NPAS3: variants seen among roughly 807,000 people sequenced by gnomAD.
NPAS3 encodes neuronal PAS domain-containing protein 3.
A neutral mutation model predicts 73.1 loss-of-function variants in NPAS3; 14 were observed. The ratio of observed to expected loss-of-function variants is 0.19; its 90% CI spans 0.13 to 0.30. The LOEUF (loss-of-function observed/expected upper bound fraction) is 0.30, where lower values mean the gene tolerates loss of function less well. NPAS3 is among the 10% of genes least tolerant of loss of function. The probability of loss-of-function intolerance (pLI) is 1.00; values close to 1 mark genes in which losing one functional copy is unlikely to be tolerated. For synonymous variants in NPAS3, 620 were observed against 541.5 expected, an observed-to-expected ratio of 1.14 and a Z score of -2.01; for missense variants, 1,096 against 1,250.0, an observed-to-expected ratio of 0.88 and a Z score of 1.86.
intron 4 of NPAS3, among the ~76,000 whole-genome samples, chr14:33,473,623 A>G (rs1026505527): frequency 1.3e-5 from 2 of 152,134 alleles, no homozygotes; most frequent in African/African-American, 2.4e-5. Context: ...AAACACATAC[A>G]TCGACAGTTT....
chr14:33,020,056 A>G, intron 1 of NPAS3, among the ~76,000 whole-genome samples: 1 of 152,212 alleles, frequency 6.6e-6, no homozygotes, highest in East Asian at 1.9e-4. Flanking sequence ...ATATACCTTG[A>G]CAGAAATGTC....
At chr14:33,522,254 TATTTC>T (rs1210098919) in intron 4 of NPAS3, among the ~76,000 whole-genome samples, 1 of 152,218 alleles carries the variant, frequency 6.6e-6, no homozygotes, top group Non-Finnish European at 1.5e-5. Flanking sequence ...TGAAATATCA[TATTTC>T]ATATGACCAG....
chr14:33,677,913 G>T (rs1369194126), intron 6 of NPAS3, among the ~76,000 whole-genome samples: 1 of 152,172 alleles, frequency 6.6e-6, no homozygotes, highest in Non-Finnish European at 1.5e-5. Context: ...TTAGTCAATA[G>T]AATGTTCATA....
At chr14:33,470,956 C>T (rs1429242921) in intron 4 of NPAS3, among the ~76,000 whole-genome samples, 1 of 147,336 alleles carries the variant, frequency 6.8e-6, no homozygotes, top group African/African-American at 2.6e-5. Context: ...AAAGAATGTT[C>T]TCTTTATGAA....
At chr14:33,050,511 A>G (rs1471894116) in intron 1 of NPAS3, among the ~76,000 whole-genome samples, 1 of 152,160 alleles carries the variant, frequency 6.6e-6, no homozygotes, top group African/African-American at 2.4e-5. Context: ...TCTTATCTGC[A>G]TACCTTCTAA....
intron 1 of NPAS3, among the ~76,000 whole-genome samples, chr14:32,989,567 C>T (rs1264858468): frequency 6.6e-6 from 1 of 151,728 alleles, no homozygotes; most frequent in Non-Finnish European, 1.5e-5. Context: ...TGGCGTGAAC[C>T]CCAGGGGGCG....
intron 1 of NPAS3, among the ~76,000 whole-genome samples, chr14:32,957,937 A>G (rs1207143744): frequency 2.6e-5 from 4 of 152,150 alleles, no homozygotes; most frequent in Non-Finnish European, 5.9e-5. Context: ...TAGAAAAACT[A>G]GCTTTGGAAT....
At chr14:33,689,462 TTAGGTGA>T (rs2060175491) in intron 6 of NPAS3, among the ~76,000 whole-genome samples, 1 of 152,012 alleles carries the variant, frequency 6.6e-6, no homozygotes, top group African/African-American at 2.4e-5. Context: ...TGGCCAGGGG[TTAGGTGA>T]TAGGAAACTG....
At chr14:33,502,486 G>C (rs763998945) in intron 4 of NPAS3, among the ~76,000 whole-genome samples, 23 of 151,896 alleles carry the variant, frequency 1.5e-4, no homozygotes, top group South Asian at 6.2e-4. Flanking sequence ...TTGTGAAGTA[G>C]TCTTAGTTGT....
chr14:33,275,079 T>C (rs1434490947), intron 3 of NPAS3, among the ~76,000 whole-genome samples: 1 of 152,168 alleles, frequency 6.6e-6, no homozygotes, highest in Non-Finnish European at 1.5e-5. Flanking sequence ...TGCTTCTCTT[T>C]AAAGATCCAA....
intron 2 of NPAS3, among the ~76,000 whole-genome samples, chr14:33,134,738 G>A (rs573835945): frequency 1.3e-5 from 2 of 152,280 alleles, no homozygotes; most frequent in Admixed American, 1.3e-4. Context: ...TAGCTGTGGT[G>A]TATTGCTGGT....
intron 7 of NPAS3, among the ~76,000 whole-genome samples, chr14:33,769,550 G>A (rs1257706848): frequency 6.6e-6 from 1 of 152,158 alleles, no homozygotes; most frequent in South Asian, 2.1e-4. Flanking sequence ...CAATTGAAAT[G>A]TTCCTGGATC....
chr14:33,358,426 G>A (rs1315134), intron 3 of NPAS3, among the ~76,000 whole-genome samples: 13,978 of 152,078 alleles, frequency 0.092, 672 homozygotes, highest in East Asian at 0.16. Flanking sequence ...AGGATGATGC[G>A]CCTGGAACAT....
intron 3 of NPAS3, among the ~76,000 whole-genome samples, chr14:33,231,308 C>T (rs1404584937): frequency 6.6e-6 from 1 of 152,140 alleles, no homozygotes; most frequent in Non-Finnish European, 1.5e-5. Context: ...TGACTCCCCT[C>T]AAATATATAT....
chr14:33,424,979 G>T (rs769261436), intron 4 of NPAS3, among the ~76,000 whole-genome samples: 9 of 151,988 alleles, frequency 5.9e-5, no homozygotes, highest in Non-Finnish European at 1.3e-4. Flanking sequence ...ACTACTTAAA[G>T]ATTGTGGGAA....
rs898502827 is a variant in NPAS3, at chr14:33,107,283, G to A, written c.140+51289G>A. On this transcript the variant is annotated intron_variant, in intron 2 of 11. Transcript: ENST00000356141. ...TTTATTTTAGAATCAGGGAGTACAT[G>A]TGCAAGTTTTGTCACAAAGGTATAT... Among the ~76,000 whole-genome samples, 5 of 152,222 alleles carry A rather than the reference G, an allele frequency of 3.3e-5. No homozygotes were observed. In the South Asian group the frequency reaches 6.2e-4, roughly 19 times the overall value.
chr14:32,969,091 C>G (rs879557345), intron 1 of NPAS3, among the ~76,000 whole-genome samples: 10 of 152,164 alleles, frequency 6.6e-5, no homozygotes, highest in African/African-American at 9.7e-5. Context: ...TCTAAAATGG[C>G]TCAACACATG....
At chr14:33,709,387 G>T (rs2060753585) in intron 6 of NPAS3, among the ~76,000 whole-genome samples, 1 of 152,174 alleles carries the variant, frequency 6.6e-6, no homozygotes, top group Admixed American at 6.5e-5. Context: ...AGGCAGAAGT[G>T]AATTCATACT....
intron 2 of NPAS3, among the ~76,000 whole-genome samples, chr14:33,120,204 T>G (rs1315996326): frequency 6.6e-6 from 1 of 152,004 alleles, no homozygotes; most frequent in Non-Finnish European, 1.5e-5. Flanking sequence ...CATGATCCAC[T>G]CACCTTGGCC....
Sources: allele counts gnomAD v4.1 joint callset (sites outside exome capture counted in the v4.1 genomes callset), GRCh38; gene constraint gnomAD v4.1.1; transcripts MANE v1.5; gene names NCBI Gene and HGNC (gene_info 2026-07-23, HGNC 2026-07-21).